LASP1: variants seen among roughly 807,000 people sequenced by gnomAD.
The protein encoded by LASP1 is LIM and SH3 protein 1, also known as LIM and SH3 domain protein 1.
A neutral mutation model predicts 38.6 loss-of-function variants in LASP1; 10 were observed. That is an observed-to-expected ratio of 0.26 (90% CI 0.16 to 0.44). The LOEUF is 0.44. Among genes scored for constraint, LASP1 ranks in the 20% least tolerant of loss-of-function variants. The pLI is 1.00. For missense variants in LASP1, 243 were observed against 375.7 expected (o/e 0.65, Z 2.92); for synonymous variants, 132 against 140.8 (o/e 0.94, Z 0.44).
intron 2 of LASP1, among the ~76,000 whole-genome samples, chr17:38,882,278 GTC>G (rs1197724016): frequency 6.6e-6 from 1 of 152,174 alleles, no homozygotes; most frequent in Non-Finnish European, 1.5e-5. Context: ...TTGAGACGGA[GTC>G]TCTGTCGCTC....
chr17:38,903,485 G>A (rs1033285057), intron 4 of LASP1, among the ~76,000 whole-genome samples: 1 of 152,140 alleles, frequency 6.6e-6, no homozygotes, highest in Non-Finnish European at 1.5e-5. Context: ...TCAACCTCCT[G>A]AGTAGCTGGT....
At chr17:38,909,193 G>A (rs1914857383) in intron 4 of LASP1, among the ~76,000 whole-genome samples, 1 of 152,164 alleles carries the variant, frequency 6.6e-6, no homozygotes, top group Non-Finnish European at 1.5e-5. Flanking sequence ...GAGGGTGGGG[G>A]AGAGCTGTCA....
At chr17:38,870,412 A>C (rs1913565494) in intron 1 of LASP1, among the ~76,000 whole-genome samples, 154 bp downstream of exon 1, 1 of 152,200 alleles carries the variant, frequency 6.6e-6, no homozygotes, top group Non-Finnish European at 1.5e-5. Context: ...GTGGGGACAC[A>C]TCCCAGTCTG....
At chr17:38,876,343 CTATTTATTTATTTATT>C (rs374232262) in intron 1 of LASP1, among the ~76,000 whole-genome samples, 1 of 148,494 alleles carries the variant, frequency 6.7e-6, no homozygotes, top group Non-Finnish European at 1.5e-5. Flanking sequence ...CATACCCGGC[CTATTTATTTATTTATT>C]TATTTATTTA....
intron 4 of LASP1, among the ~76,000 whole-genome samples, chr17:38,910,600 T>C (rs1172077653): frequency 6.6e-6 from 1 of 152,138 alleles, no homozygotes; most frequent in Non-Finnish European, 1.5e-5. Flanking sequence ...GCTTCAGACT[T>C]ACCTGGAGAG....
chr17:38,884,389 T>C (rs1248085713), intron 2 of LASP1, among the ~76,000 whole-genome samples: 1 of 149,308 alleles, frequency 6.7e-6, no homozygotes, highest in East Asian at 2.1e-4. Context: ...TTTTTTTTTT[T>C]TAATTTTTAT....
intron 1 of LASP1, among the ~76,000 whole-genome samples, 178 bp downstream of exon 1, chr17:38,870,436 C>G (rs1000355604): frequency 2.0e-5 from 3 of 152,202 alleles, no homozygotes; most frequent in African/African-American, 2.4e-5. Context: ...ACCAGGAGAT[C>G]TGGGGCGAGG....
chr17:38,903,708 A>G (rs1375133081), intron 4 of LASP1: 1 of 152,232 alleles, frequency 6.6e-6, no homozygotes, highest in Non-Finnish European at 1.5e-5. Flanking sequence ...AATGTTATCA[A>G]TACTTTAAAG....
At chr17:38,873,929 TC>T (rs1323049830) in intron 1 of LASP1, 3 of 152,122 alleles carry the variant, frequency 2.0e-5, no homozygotes, top group Admixed American at 1.3e-4. Context: ...GCTTGCCACA[TC>T]CCCCCCAACC....
At chr17:38,878,224 C>G (rs920514454) in intron 2 of LASP1, 44 bp downstream of exon 2, 2 of 1,351,044 alleles carry the variant, frequency 1.5e-6, no homozygotes, top group South Asian at 2.4e-5. Context: ...CACCTTGGCT[C>G]CCTCCCCGAG....
At chr17:38,894,921 A>T (rs1192655520) in intron 3 of LASP1, among the ~76,000 whole-genome samples, 1 of 152,000 alleles carries the variant, frequency 6.6e-6, no homozygotes, top group Non-Finnish European at 1.5e-5. Flanking sequence ...TATTTTTAGT[A>T]GAGACAGGGT....
chr17:38,885,061 T>G (rs1037601982), intron 2 of LASP1, among the ~76,000 whole-genome samples: 1 of 152,174 alleles, frequency 6.6e-6, no homozygotes, highest in African/African-American at 2.4e-5. Flanking sequence ...TCTCTCATAA[T>G]GGCCGAGCTT....
intron 4 of LASP1, among the ~76,000 whole-genome samples, chr17:38,910,984 A>C (rs1914923284): frequency 6.6e-6 from 1 of 152,022 alleles, no homozygotes; most frequent in Admixed American, 6.6e-5. Flanking sequence ...CAGCCTCCCA[A>C]AGTGCTGGGA....
intron 1 of LASP1, among the ~76,000 whole-genome samples, chr17:38,875,896 C>A (rs1482381080): frequency 6.6e-6 from 1 of 152,200 alleles, no homozygotes; most frequent in East Asian, 1.9e-4. Flanking sequence ...AAAAGTCCCC[C>A]TGGGCCTGCC....
At chr17:38,893,006 T>C (rs894078385) in intron 3 of LASP1, among the ~76,000 whole-genome samples, 1 of 152,116 alleles carries the variant, frequency 6.6e-6, no homozygotes, top group African/African-American at 2.4e-5. Context: ...TATGTGTGTG[T>C]GTGTGTGTGC....
At position 38,918,462 on chromosome 17, in the gene LASP1, C is replaced by G. The variant is rs1915197989; in HGVS notation, c.613-143C>G. ...AAAGCAAGACACAGAGGTTAAGAATCTTTGCAGCAGAGCCTGGTGCTCCAT... is the reference window on the plus strand; with the variant it reads ...AAAGCAAGACACAGAGGTTAAGAATGTTTGCAGCAGAGCCTGGTGCTCCAT... On this transcript the variant is annotated intron_variant, in intron 6 of 6. Transcript: ENST00000318008. This position sits in a 1 kb window ranked among gnomAD's most constrained non-coding sequence, Gnocchi z 4.4. 1 of 823,014 alleles carries G rather than the reference C, an allele frequency of 1.2e-6. No homozygotes were observed. Among genetic ancestry groups the G allele is most frequent in the African/African-American group, 1.7e-5 (1 of 58,516 alleles). 51.0% of individuals were successfully genotyped at this position (823,014 alleles called of 1,614,324 possible).
chr17:38,902,065 C>A (rs1049353652), intron 4 of LASP1, among the ~76,000 whole-genome samples: 12 of 151,242 alleles, frequency 7.9e-5, no homozygotes, highest in Non-Finnish European at 1.3e-4. Context: ...CCGAGCCCAG[C>A]CTATTTTTAT....
chr17:38,888,382 AT>A (rs1745450149), intron 2 of LASP1, among the ~76,000 whole-genome samples: 1 of 151,538 alleles, frequency 6.6e-6, no homozygotes, highest in South Asian at 2.1e-4. Flanking sequence ...GGTTCAAGTG[AT>A]TCTCCTGCCT....
intron 1 of LASP1, among the ~76,000 whole-genome samples, chr17:38,871,624 C>A (rs544391900): frequency 6.6e-6 from 1 of 151,996 alleles, no homozygotes; most frequent in African/African-American, 2.4e-5. Flanking sequence ...TCTCCCCTCC[C>A]CCTTGGTGTG....
Sources: allele counts gnomAD v4.1 joint callset (sites outside exome capture counted in the v4.1 genomes callset), GRCh38; gene constraint gnomAD v4.1.1; non-coding constraint Gnocchi (gnomAD v3.1); transcripts MANE v1.5; gene names NCBI Gene and HGNC (gene_info 2026-07-23, HGNC 2026-07-21).